Variants in SLC27A6 observed in about 807,000 individuals in gnomAD.
The protein encoded by SLC27A6 is solute carrier family 27 member 6.
SLC27A6 carries 74 observed loss-of-function variants against 63.9 expected under a neutral mutation model. The observed-to-expected ratio is 1.16, with a 90% CI of 0.96 to 1.40. The LOEUF (loss-of-function observed/expected upper bound fraction) is 1.40. Ranked by LOEUF, SLC27A6 falls within the 40% of genes most tolerant of loss-of-function variation. The pLI, the probability that SLC27A6 is intolerant of heterozygous loss-of-function variation, is 0.00. For synonymous variants in SLC27A6, 287 were observed against 260.8 expected (o/e 1.10, Z -0.97); for missense variants, 794 against 732.9 (o/e 1.08, Z -0.96).
At chr5:128,967,706 T>C (rs1749960882) in intron 1 of SLC27A6, among the ~76,000 whole-genome samples, 1 of 152,178 alleles carries the variant, frequency 6.6e-6, no homozygotes, top group African/African-American at 2.4e-5. Context: ...CCTAGTTCTT[T>C]TCAGTTCAAC....
intron 9 of SLC27A6, among the ~76,000 whole-genome samples, chr5:129,032,384 GA>G (rs1484832549): frequency 6.6e-6 from 1 of 152,046 alleles, no homozygotes; most frequent in African/African-American, 2.4e-5. Flanking sequence ...TGGACAGGGA[GA>G]GCCTGATTTC....
intron 4 of SLC27A6, among the ~76,000 whole-genome samples, chr5:129,009,499 GT>G (rs1237822976): frequency 4.6e-5 from 7 of 152,010 alleles, no homozygotes; most frequent in Admixed American, 6.5e-5. Flanking sequence ...TTGTAAAGAA[GT>G]GACAATATAT....
At chr5:128,980,154 G>C (rs1750533461) in intron 1 of SLC27A6, among the ~76,000 whole-genome samples, 1 of 152,094 alleles carries the variant, frequency 6.6e-6, no homozygotes, top group Admixed American at 6.6e-5. Flanking sequence ...ATGAGCTTGA[G>C]CTCATTGTAT....
chr5:129,011,459 G>A (rs1314427331), intron 4 of SLC27A6, among the ~76,000 whole-genome samples: 1 of 152,186 alleles, frequency 6.6e-6, no homozygotes, highest in African/African-American at 2.4e-5. Context: ...TCTTTGAGAA[G>A]TACCTGCTCA....
In SLC27A6 at chr5:129,007,334, C is replaced by T. The variant is rs1751574987; in HGVS notation, c.970-8551C>T. Among the ~76,000 whole-genome samples the T allele has an allele frequency of 3.3e-5, 5 of 150,750 alleles. No individual in the cohort carries two copies. In the South Asian group the frequency reaches 8.4e-4, roughly 25 times the overall value. On this transcript the variant is annotated intron_variant, in intron 4 of 9. Coordinates refer to ENST00000262462, the MANE Select transcript of SLC27A6 (RefSeq NM_001017372.3). Reference sequence around the variant, plus strand: ...TGGCACGTACCTGTAATCTCAGCTACTTGGGAGGCTGGAGCAGATAATTGC... The same window carrying T: ...TGGCACGTACCTGTAATCTCAGCTATTTGGGAGGCTGGAGCAGATAATTGC...
intron 1 of SLC27A6, among the ~76,000 whole-genome samples, chr5:128,979,181 G>A (rs1223503453): frequency 6.6e-6 from 1 of 150,668 alleles, no homozygotes; most frequent in Non-Finnish European, 1.5e-5. Flanking sequence ...CTTTTGCTCA[G>A]GTCTCTTCAT....
intron 4 of SLC27A6, among the ~76,000 whole-genome samples, chr5:129,003,967 C>CAAAAAA (rs779667758): frequency 4.3e-5 from 3 of 69,420 alleles, no homozygotes; most frequent in African/African-American, 1.1e-4. Flanking sequence ...GACCCTGTCT[C>CAAAAAA]AAAAAAAAAA....
chr5:128,968,295 T>C (rs1360584356), intron 1 of SLC27A6, among the ~76,000 whole-genome samples: 3 of 152,158 alleles, frequency 2.0e-5, no homozygotes, highest in African/African-American at 7.2e-5. Context: ...GATGGCTGGG[T>C]CAAATGGTAT....
Position 129,028,599 on chromosome 5 carries a change from A to G in SLC27A6, c.1552+157A>G, listed in dbSNP as rs577280068. ...GCAAGTAATGCCCCTTGACCAAGCT[A>G]ACAAAGTTCATGATCACATCAGGGG... On this transcript the variant is annotated intron_variant, in intron 8 of 9. Transcript: ENST00000262462. Among the ~76,000 whole-genome samples, 3 of 151,878 alleles carry G rather than the reference A, an allele frequency of 2.0e-5. No individual in the cohort carries two copies. The South Asian group carries it at 6.2e-4, about 31-fold the overall frequency.
chr5:129,028,511 C>A, intron 8 of SLC27A6, 69 bp downstream of exon 8: 1 of 919,188 alleles, frequency 1.1e-6, no homozygotes, highest in Non-Finnish European at 1.7e-6. Context: ...AGTTTTGCAA[C>A]AGTCTTGCTA....
chr5:128,974,457 G>T (rs976872728), intron 1 of SLC27A6, among the ~76,000 whole-genome samples: 1 of 152,160 alleles, frequency 6.6e-6, no homozygotes, highest in Admixed American at 6.5e-5. Context: ...ATTCTATTTT[G>T]ATTAACAGAT....
At chr5:129,012,369 T>C (rs1044089066) in intron 4 of SLC27A6, among the ~76,000 whole-genome samples, 1 of 152,090 alleles carries the variant, frequency 6.6e-6, no homozygotes, top group Non-Finnish European at 1.5e-5. Context: ...TTAGACTTGC[T>C]GTAAGACTCA....
chr5:129,002,204 A>C (rs1751359726), intron 4 of SLC27A6, among the ~76,000 whole-genome samples: 1 of 152,224 alleles, frequency 6.6e-6, no homozygotes, highest in African/African-American at 2.4e-5. Context: ...TGAAATGAGC[A>C]TTTTCTACAT....
At chr5:129,006,415 C>G (rs1751538704) in intron 4 of SLC27A6, among the ~76,000 whole-genome samples, 2 of 150,370 alleles carry the variant, frequency 1.3e-5, no homozygotes, top group South Asian at 4.2e-4. Flanking sequence ...CTTTTTTTCT[C>G]TCTCACCTTT....
At position 128,966,581 on chromosome 5, in the gene SLC27A6, C is replaced by A. The variant is rs201843047; in HGVS notation, c.444C>A (p.Ile148=). Residue 148 remains isoleucine, a synonymous_variant, in exon 1 of 10, where the codon ATC becomes ATA. Transcript: ENST00000262462. ...NIRSNSLLNC[I]RACGPRALVV... is the part of the protein sequence containing the mutation. ...GCTCCAACTCCCTCCTGAATTGCAT[C>A]CGCGCCTGTGGGCCCAGAGCCCTAG... The A allele has an allele frequency of 2.4e-4, 376 of 1,548,100 alleles. No homozygotes were observed. Among genetic ancestry groups the A allele is most frequent in the Admixed American group, 6.4e-4 (33 of 51,520 alleles).
chr5:129,027,247 A>G lies in SLC27A6; in HGVS notation c.1370A>G (p.Asp457Gly). ...CTTTGTGATGTTTTTAAGAAGGGAG[A>G]TGTTTACCTTAATACTGGAGACTTA... is the stretch of plus-strand genomic sequence containing the variant. ...KLLCDVFKKG[D>G]VYLNTGDLIV... Residue 457 changes from aspartate to glycine, a missense_variant, in exon 7 of 10, where the codon GAT (aspartate) becomes GGT (glycine). By Grantham distance (94) the Asp-to-Gly change is moderately conservative. Transcript: ENST00000262462. 1.2e-6 allele frequency: 2 copies of G among 1,613,266 alleles called. No homozygotes were observed. Among genetic ancestry groups the G allele is most frequent in the Non-Finnish European group, 1.7e-6 (2 of 1,179,348 alleles).
At chr5:128,988,407 G>A (rs903614414) in intron 2 of SLC27A6, among the ~76,000 whole-genome samples, 193 bp from the exon 3 acceptor site, 19 of 152,176 alleles carry the variant, frequency 1.2e-4, no homozygotes, top group African/African-American at 4.1e-4. Context: ...TCAAAGGAGC[G>A]TTGCTAAAGT....
intron 1 of SLC27A6, among the ~76,000 whole-genome samples, chr5:128,982,903 A>T (rs1750642481): frequency 6.6e-6 from 1 of 152,220 alleles, no homozygotes. Flanking sequence ...ACCGCATATC[A>T]ACTTCATTAT....
intron 1 of SLC27A6, among the ~76,000 whole-genome samples, chr5:128,968,462 T>C (rs1749998288): frequency 1.3e-5 from 2 of 152,146 alleles, no homozygotes; most frequent in Non-Finnish European, 2.9e-5. Flanking sequence ...TTCTAACTGG[T>C]GTGAGATGGT....
Sources: allele counts gnomAD v4.1 joint callset (sites outside exome capture counted in the v4.1 genomes callset), GRCh38; gene constraint gnomAD v4.1.1; transcripts MANE v1.5; gene names NCBI Gene and HGNC (gene_info 2026-07-23, HGNC 2026-07-21).